The following TRRAP variants were observed in gnomAD, a reference collection of about 807,000 sequenced individuals.
TRRAP encodes the protein transformation/transcription domain associated protein, also known as transformation/transcription domain-associated protein.
In TRRAP, 41 loss-of-function variants were observed where a neutral mutation model predicts 438.8. That is an observed-to-expected ratio of 0.09 (90% CI 0.07 to 0.12). The LOEUF (loss-of-function observed/expected upper bound fraction) is 0.12, where lower values mean the gene tolerates loss of function less well. Among genes scored for constraint, TRRAP ranks in the 10% least tolerant of loss-of-function variants. The pLI is 1.00. For missense variants in TRRAP, 3,122 were observed against 5,055.1 expected, an observed-to-expected ratio of 0.62 and a Z score of 11.60; for synonymous variants, 1,994 against 1,962.9, an observed-to-expected ratio of 1.02 and a Z score of -0.42.
At chr7:98,957,227 G>A (rs528544530) in intron 43 of TRRAP, among the ~76,000 whole-genome samples, 3 of 152,176 alleles carry the variant, frequency 2.0e-5, no homozygotes, top group East Asian at 1.9e-4. Flanking sequence ...GTCACCCCTC[G>A]AAGTAACCAG....
chr7:98,942,141 G>T (rs1446649013), intron 30 of TRRAP, among the ~76,000 whole-genome samples: 1 of 152,202 alleles, frequency 6.6e-6, no homozygotes, highest in African/African-American at 2.4e-5. Context: ...TGGCTACCAG[G>T]TGCCTGGGTT....
At chr7:98,899,372 T>C in intron 8 of TRRAP, 50 bp from the exon 9 acceptor site, 1 of 1,572,432 alleles carries the variant, frequency 6.4e-7, no homozygotes. Context: ...GTGGGGGCTA[T>C]TTTAAATGCC....
At chr7:98,906,071 T>C (rs1796712394) in intron 12 of TRRAP, 106 bp from the exon 13 acceptor site, 2 of 835,542 alleles carry the variant, frequency 2.4e-6, no homozygotes, top group Non-Finnish European at 1.8e-6. Flanking sequence ...CAGGTCTGGA[T>C]TGCATATCAG....
In TRRAP at chr7:98,993,677, G is replaced by A. The variant is rs778842241; in HGVS notation, c.9987G>A (p.Leu3329=). The A allele has an allele frequency of 3.7e-6, 6 of 1,614,106 alleles. No homozygotes were observed. In the South Asian group the frequency reaches 4.4e-5, roughly 12 times the overall value. The part of the protein sequence containing the change: ...HMQRELHPTL[L]SSLEGIVDQM... ...AGCGAGAGCTCCACCCCACCCTTCT[G>A]TCTTCCCTGGAAGGCATCGTCGATC... The change falls in exon 66 of 73, where the codon CTG becomes CTA. Residue 3329 remains leucine, a synonymous_variant. Coordinates refer to ENST00000456197, the MANE Select transcript of TRRAP (RefSeq NM_001375524.1).
intron 7 of TRRAP, among the ~76,000 whole-genome samples, chr7:98,897,327 G>A (rs1055029970): frequency 5.3e-5 from 8 of 152,334 alleles, no homozygotes; most frequent in African/African-American, 1.4e-4. Flanking sequence ...CTGCCAGCTC[G>A]TAGTTTCTTC....
chr7:98,955,660 C>G (rs1266054771), intron 41 of TRRAP, among the ~76,000 whole-genome samples: 1 of 152,168 alleles, frequency 6.6e-6, no homozygotes, highest in African/African-American at 2.4e-5. Flanking sequence ...GTTGCTGGCA[C>G]CTCCTTCTCT....
chr7:98,983,496 A>G, intron 60 of TRRAP, 37 bp downstream of exon 60: 2 of 1,611,088 alleles, frequency 1.2e-6, no homozygotes, highest in Non-Finnish European at 1.7e-6. Context: ...TCATCATGTA[A>G]TTTTCCAGAC....
chr7:98,945,981 G>C, intron 33 of TRRAP, 31 bp downstream of exon 33: 1 of 1,418,570 alleles, frequency 7.0e-7, no homozygotes, highest in Non-Finnish European at 9.2e-7. Context: ...ACAGGAGGGG[G>C]TTGTTGTCGT....
chr7:98,892,301 G>A (rs1277596811), intron 4 of TRRAP, 123 bp from the exon 5 acceptor site: 2 of 782,566 alleles, frequency 2.6e-6, no homozygotes, highest in African/African-American at 1.8e-5. Flanking sequence ...CATTTTGTAG[G>A]ATGGTGGTTC....
chr7:98,949,746 T>G lies in TRRAP; in HGVS notation c.5040T>G (p.Ser1680Arg), dbSNP rs1584349590. 6.2e-7 allele frequency: 1 copy of G among 1,613,592 alleles called. No homozygotes were observed. The highest frequency in any genetic ancestry group is 8.5e-7 in the Non-Finnish European group (1 of 1,179,948). Reference protein sequence around the residue: ...LVSQLRRVWVSENFQERHRKE... With the variant: ...LVSQLRRVWVRENFQERHRKE... ...GCCAGTTGCGACGTGTGTGGGTGAG[T>G]GAGAACTTCCAAGAGAGGCACCGCA... Residue 1680 changes from serine to arginine, a missense_variant, in exon 37 of 73, where the codon AGT becomes AGG. By Grantham distance (110) the Ser-to-Arg change is moderately radical (BLOSUM62 -1). Around this residue, in one of 24 missense-constraint regions of TRRAP, gnomAD observed 272 missense variants for 348.5 expected, o/e 0.78. Coordinates refer to ENST00000456197, the MANE Select transcript of TRRAP (RefSeq NM_001375524.1).
chr7:98,915,382 G>GT (rs1165634032), intron 18 of TRRAP, among the ~76,000 whole-genome samples: 3 of 151,968 alleles, frequency 2.0e-5, no homozygotes, highest in African/African-American at 7.3e-5. Flanking sequence ...AGTAGAGACG[G>GT]GGTTTCACCA....
chr7:98,934,606 G>A (rs1444981320), intron 27 of TRRAP, among the ~76,000 whole-genome samples: 2 of 152,164 alleles, frequency 1.3e-5, no homozygotes, highest in Non-Finnish European at 2.9e-5. Flanking sequence ...AACACGTGCG[G>A]ATCTTTTGAA....
intron 3 of TRRAP, among the ~76,000 whole-genome samples, chr7:98,883,033 C>G (rs931224600): frequency 8.5e-5 from 13 of 152,216 alleles, no homozygotes; most frequent in African/African-American, 2.9e-4. Flanking sequence ...GCAATGAGAT[C>G]TGGATGTCAT....
chr7:98,967,729 G>T, intron 51 of TRRAP, 31 bp downstream of exon 51: 1 of 1,595,074 alleles, frequency 6.3e-7, no homozygotes. Context: ...TCTGTGGCCG[G>T]GGGCAGCTGT....
chr7:98,984,101 A>G lies in TRRAP; in HGVS notation c.9031A>G (p.Thr3011Ala), dbSNP rs1793053822. 1.2e-6 allele frequency: 2 copies of G among 1,601,218 alleles called. No individual in the cohort carries two copies. The highest frequency in any genetic ancestry group is 2.7e-5 in the African/African-American group (2 of 74,538). ...CTTTCTTTGCCCTCTAGCGATTGTA[A>G]CTGCCTATGAGAATAGCTCTCAGCA... is the stretch of plus-strand genomic sequence containing the variant. Reference protein sequence around the residue: ...WRQHHYQAIVTAYENSSQHDP... With the variant: ...WRQHHYQAIVAAYENSSQHDP... Residue 3011 changes from threonine (T) to alanine (A), a missense_variant, in exon 61 of 73, where the codon ACT becomes GCT. This residue lies in a region of TRRAP where 129 missense variants were observed against 279.2 expected (regional missense o/e 0.46). Transcript: ENST00000456197.
intron 67 of TRRAP, chr7:98,998,880 C>A (rs937046890): frequency 5.1e-6 from 2 of 390,304 alleles, no homozygotes. Flanking sequence ...CTGTTAATTT[C>A]TCTGCCATCA....
chr7:98,953,457 C>A, intron 40 of TRRAP, 24 bp downstream of exon 40: 1 of 1,601,314 alleles, frequency 6.2e-7, no homozygotes. Flanking sequence ...CCCTCCTGTC[C>A]GCCGACATCA....
chr7:98,946,655 TGCACACAC>T (rs1554416977), intron 33 of TRRAP, among the ~76,000 whole-genome samples: 1 of 151,588 alleles, frequency 6.6e-6, no homozygotes, highest in African/African-American at 2.4e-5. Context: ...ACAACACACA[TGCACACAC>T]AACACACATG....
At chr7:98,933,719 AT>A (rs1790430160) in intron 27 of TRRAP, among the ~76,000 whole-genome samples, 1 of 152,260 alleles carries the variant, frequency 6.6e-6, no homozygotes, top group East Asian at 1.9e-4. Context: ...TGCTTTAATC[AT>A]TCTTAGATCA....
Sources: allele counts gnomAD v4.1 joint callset (sites outside exome capture counted in the v4.1 genomes callset), GRCh38; gene constraint gnomAD v4.1.1; regional missense constraint gnomAD v4.1.1; transcripts MANE v1.5; gene names NCBI Gene and HGNC (gene_info 2026-07-23, HGNC 2026-07-21).